The following CDH17 variants were observed in gnomAD, a reference collection of about 807,000 sequenced individuals.
CDH17 encodes cadherin-17.
Under a neutral mutation model 86.3 loss-of-function variants are expected in CDH17, and 67 were observed. The ratio of observed to expected loss-of-function variants is 0.78; its 90% CI spans 0.64 to 0.95. The LOEUF is 0.95. Ranked by LOEUF, CDH17 falls within the 40% of genes least tolerant of loss-of-function variation. The pLI is 0.00. For missense variants in CDH17, 993 were observed against 1,017.6 expected (o/e 0.98, Z 0.33); for synonymous variants, 367 against 366.4 (o/e 1.00, Z -0.02).
intron 17 of CDH17, 138 bp downstream of exon 17, chr8:94,130,488 T>C (rs1016238137): frequency 1.7e-6 from 1 of 596,520 alleles, no homozygotes; most frequent in Non-Finnish European, 3.0e-6. Flanking sequence ...TGTAATTTGC[T>C]GGTGATCTAC....
rs114354417 is a variant in CDH17, at chr8:94,167,015, G to A, written c.1067-1039C>T. ...TGATTTGTTGCTGTAGCCCTAGGAC[G>A]CTAATACACATGGCAAATGGTATCA... On this transcript the variant is annotated intron_variant, in intron 9 of 17. Transcript: ENST00000027335. 8.2e-3 allele frequency among the ~76,000 whole-genome samples: 1,244 copies of A among 152,218 alleles called. 22 individuals carry two copies. Among genetic ancestry groups the A allele is most frequent in the African/African-American group, 0.027 (1,126 of 41,516 alleles).
At chr8:94,200,774 C>T (rs1214009751) in intron 1 of CDH17, among the ~76,000 whole-genome samples, 4 of 151,672 alleles carry the variant, frequency 2.6e-5, no homozygotes, top group African/African-American at 7.3e-5. Context: ...AATCCCGCCG[C>T]GGCCTGGATC....
intron 7 of CDH17, among the ~76,000 whole-genome samples, chr8:94,172,328 C>T (rs536007182): frequency 9.3e-4 from 141 of 151,214 alleles, no homozygotes; most frequent in Non-Finnish European, 1.8e-3. Context: ...CTTTTTTTTC[C>T]CTCCTGAAGT....
chr8:94,136,170 C>T (rs922469789), intron 15 of CDH17, among the ~76,000 whole-genome samples: 9 of 152,086 alleles, frequency 5.9e-5, no homozygotes, highest in Non-Finnish European at 1.2e-4. Flanking sequence ...TTGTGGTGGT[C>T]TCTGTATTTC....
intron 1 of CDH17, among the ~76,000 whole-genome samples, chr8:94,214,750 G>A (rs927456832): frequency 1.3e-5 from 2 of 152,124 alleles, no homozygotes; most frequent in Non-Finnish European, 2.9e-5. Flanking sequence ...TGTAAGTCGC[G>A]TATCTGACAA....
At position 94,174,028 on chromosome 8, in the gene CDH17, G is replaced by A. The variant is rs368980063; in HGVS notation, c.584-32C>T. On this transcript the variant is annotated intron_variant, in intron 6 of 17. Coordinates refer to ENST00000027335, the MANE Select transcript of CDH17 (RefSeq NM_004063.4). The stretch of plus-strand genomic sequence containing the variant: ...GAAGTAGGGGAGAAGGGAATAGGAA[G>A]TGTCTCTGGAAGAGACAGACCAAAC... 586 of 1,605,682 alleles carry A rather than the reference G, an allele frequency of 3.6e-4. 1 individual carries two copies. The highest frequency in any genetic ancestry group is 4.6e-4 in the Non-Finnish European group (542 of 1,172,538).
At chr8:94,137,019 C>G (rs1047666118) in intron 15 of CDH17, among the ~76,000 whole-genome samples, 7 of 152,130 alleles carry the variant, frequency 4.6e-5, no homozygotes, top group African/African-American at 1.7e-4. Context: ...GGAGCTTTGT[C>G]CCAGAGTGCT....
intron 11 of CDH17, 41 bp from the exon 12 acceptor site, chr8:94,160,203 T>C (rs779047718): frequency 8.7e-6 from 13 of 1,500,990 alleles, no homozygotes; most frequent in Non-Finnish European, 1.2e-5. Context: ...GAAGGTCTGC[T>C]GTCATCAAAG....
At chr8:94,208,561 A>G (rs1814073184), upstream of CDH17, 1 of 152,178 alleles carries the variant, frequency 6.6e-6, no homozygotes, top group African/African-American at 2.4e-5. Flanking sequence ...CGACTGGAGT[A>G]TCTCCCCCGG....
chr8:94,154,775 C>G (rs1812915731), intron 12 of CDH17, among the ~76,000 whole-genome samples: 1 of 152,150 alleles, frequency 6.6e-6, no homozygotes, highest in Non-Finnish European at 1.5e-5. Context: ...CTTCACTGAC[C>G]CTAAGCTCCA....
At chr8:94,167,062 C>T in intron 9 of CDH17, among the ~76,000 whole-genome samples, 1 of 152,184 alleles carries the variant, frequency 6.6e-6, no homozygotes, top group East Asian at 1.9e-4. Context: ...GAAGCCAACC[C>T]TAGATTGCAT....
At chr8:94,159,220 G>A (rs886749995) in intron 12 of CDH17, among the ~76,000 whole-genome samples, 5 of 152,100 alleles carry the variant, frequency 3.3e-5, no homozygotes, top group African/African-American at 4.8e-5. Context: ...GATTGAGGGA[G>A]GGTTGGGAGA....
intron 1 of CDH17, among the ~76,000 whole-genome samples, chr8:94,200,010 C>T (rs1813873712): frequency 6.6e-6 from 1 of 152,200 alleles, no homozygotes; most frequent in South Asian, 2.1e-4. Context: ...CAATTCCCAA[C>T]TTTTGGTGGC....
chr8:94,208,612 T>G (rs1043775826), upstream of CDH17: 1 of 152,254 alleles, frequency 6.6e-6, no homozygotes, highest in Non-Finnish European at 1.5e-5. Context: ...AGCCTCTCCC[T>G]TCAGCTTCAG....
intron 1 of CDH17, among the ~76,000 whole-genome samples, chr8:94,200,823 G>A (rs1178467416): frequency 6.6e-6 from 1 of 152,022 alleles, no homozygotes; most frequent in East Asian, 1.9e-4. Flanking sequence ...AGCAAACATT[G>A]ACTGAAAACA....
At chr8:94,146,848 C>T (rs1233393700) in intron 14 of CDH17, among the ~76,000 whole-genome samples, 1 of 152,192 alleles carries the variant, frequency 6.6e-6, no homozygotes, top group Non-Finnish European at 1.5e-5. Context: ...TCATGTCCTC[C>T]TCAACACCAA....
At chr8:94,143,853 T>C (rs781529824) in intron 15 of CDH17, among the ~76,000 whole-genome samples, 2 of 152,330 alleles carry the variant, frequency 1.3e-5, no homozygotes, top group Non-Finnish European at 2.9e-5. Context: ...GTTGCTGTTT[T>C]AATCTTCTAT....
At chr8:94,161,536 A>G (rs1383084095) in intron 11 of CDH17, among the ~76,000 whole-genome samples, 1 of 152,140 alleles carries the variant, frequency 6.6e-6, no homozygotes, top group African/African-American at 2.4e-5. Context: ...AGTAATTTGC[A>G]TTTTTCTTGA....
chr8:94,195,606 G>A (rs750776408), intron 1 of CDH17, among the ~76,000 whole-genome samples: 7 of 151,954 alleles, frequency 4.6e-5, no homozygotes, highest in Non-Finnish European at 8.8e-5. Context: ...CCTCCTTAAG[G>A]CTTCCCATTT....
Sources: allele counts gnomAD v4.1 joint callset (sites outside exome capture counted in the v4.1 genomes callset), GRCh38; gene constraint gnomAD v4.1.1; transcripts MANE v1.5; gene names NCBI Gene and HGNC (gene_info 2026-07-23, HGNC 2026-07-21).